Variants in EBF2 observed in about 807,000 individuals in gnomAD.
EBF2 encodes the protein EBF transcription factor 2, also known as transcription factor COE2.
In EBF2, 21 loss-of-function variants were observed where a neutral mutation model predicts 72.8. The observed-to-expected ratio is 0.29, with a 90% CI of 0.20 to 0.42. The LOEUF is 0.42. Ranked by LOEUF, EBF2 falls within the 10% of genes least tolerant of loss-of-function variation. The pLI, the probability that EBF2 is intolerant of heterozygous loss-of-function variation, is 1.00. For synonymous variants in EBF2, 299 were observed against 274.2 expected (o/e 1.09, Z -0.89); for missense variants, 637 against 731.2 (o/e 0.87, Z 1.49).
intron 6 of EBF2, among the ~76,000 whole-genome samples, chr8:25,961,346 C>G (rs1804030801): frequency 6.6e-6 from 1 of 152,154 alleles, no homozygotes; most frequent in Non-Finnish European, 1.5e-5. Context: ...ACCAATCTCA[C>G]TCACTTCAAA....
chr8:26,042,374 C>G, intron 1 of EBF2, 123 bp from the exon 2 acceptor site: 1 of 1,229,038 alleles, frequency 8.1e-7, no homozygotes, highest in Non-Finnish European at 1.1e-6. Context: ...AGTTCTGAAC[C>G]CTTCGGGCCT....
intron 7 of EBF2, among the ~76,000 whole-genome samples, chr8:25,897,935 G>A (rs929730826): frequency 1.3e-5 from 2 of 152,116 alleles, no homozygotes; most frequent in South Asian, 4.2e-4. Context: ...ATTTTAACTA[G>A]AGAAGATACT....
chr8:26,000,840 G>A (rs530511211), intron 6 of EBF2, among the ~76,000 whole-genome samples: 24 of 152,188 alleles, frequency 1.6e-4, no homozygotes, highest in Non-Finnish European at 2.9e-4. Context: ...CAACATAACC[G>A]TAAAAATGCC....
intron 6 of EBF2, among the ~76,000 whole-genome samples, chr8:25,942,770 C>G (rs1408319176): frequency 6.6e-6 from 1 of 152,204 alleles, no homozygotes; most frequent in African/African-American, 2.4e-5. Flanking sequence ...GAACAGCCTT[C>G]GTTCCTGCGG....
At chr8:25,967,341 T>TG (rs1233938147) in intron 6 of EBF2, among the ~76,000 whole-genome samples, 1 of 152,152 alleles carries the variant, frequency 6.6e-6, no homozygotes, top group Non-Finnish European at 1.5e-5. Flanking sequence ...CAACATACAA[T>TG]GGGGTTATAT....
intron 13 of EBF2, among the ~76,000 whole-genome samples, chr8:25,859,238 A>G (rs771228207): frequency 1.3e-5 from 2 of 152,218 alleles, no homozygotes; most frequent in Admixed American, 6.5e-5. Context: ...GGCCTAGAGA[A>G]TAAATAAACT....
intron 15 of EBF2, among the ~76,000 whole-genome samples, chr8:25,849,371 C>A (rs978682495): frequency 6.6e-6 from 1 of 152,288 alleles, no homozygotes; most frequent in East Asian, 1.9e-4. Context: ...TGACCTCTCA[C>A]ACGTGTCCCA....
chr8:25,886,641 C>T, intron 10 of EBF2, 114 bp downstream of exon 10: 1 of 1,266,926 alleles, frequency 7.9e-7, no homozygotes, highest in African/African-American at 1.5e-5. Flanking sequence ...CTCACTCTTT[C>T]CACACTAGTA....
chr8:25,958,035 G>T (rs1376341398), intron 6 of EBF2, among the ~76,000 whole-genome samples: 1 of 152,198 alleles, frequency 6.6e-6, no homozygotes, highest in Non-Finnish European at 1.5e-5. Flanking sequence ...TGTGCAAGGG[G>T]TCAGATCTCT....
intron 6 of EBF2, among the ~76,000 whole-genome samples, chr8:25,980,787 CAAAAAAAAAA>C (rs34271943): frequency 3.0e-5 from 2 of 67,150 alleles, no homozygotes; most frequent in African/African-American, 6.9e-5. Context: ...GAGGCCACCA[CAAAAAAAAAA>C]AAAAAAAAAA....
chr8:25,990,569 C>G (rs192950098), intron 6 of EBF2, among the ~76,000 whole-genome samples: 36 of 152,308 alleles, frequency 2.4e-4, no homozygotes, highest in Non-Finnish European at 4.7e-4. Context: ...TCCAAGTCCT[C>G]TGTCCTTTCA....
At chr8:26,012,011 C>G (rs552858356) in intron 6 of EBF2, among the ~76,000 whole-genome samples, 3 of 152,210 alleles carry the variant, frequency 2.0e-5, no homozygotes, top group Admixed American at 6.5e-5. Flanking sequence ...AAAACTGAAG[C>G]AGGGAGAGAA....
chr8:26,026,419 T>C (rs2117250141), intron 6 of EBF2, among the ~76,000 whole-genome samples: 1 of 152,282 alleles, frequency 6.6e-6, no homozygotes, highest in African/African-American at 2.4e-5. Flanking sequence ...CCAAAGCACT[T>C]CATTTGACAA....
At chr8:26,033,703 C>G (rs893896167) in intron 5 of EBF2, among the ~76,000 whole-genome samples, 3 of 151,966 alleles carry the variant, frequency 2.0e-5, no homozygotes, top group African/African-American at 7.3e-5. Flanking sequence ...ACATGTTTAC[C>G]TGTGTAACAA....
chr8:25,860,467 T>TA lies in EBF2; in HGVS notation c.1342+581dup, dbSNP rs1260736616. On this transcript the variant is annotated intron_variant, in intron 13 of 15. Coordinates refer to ENST00000520164, the MANE Select transcript of EBF2 (RefSeq NM_022659.4). ...TATTTTCTATAAGCCCAAACCCTTCTAAATTGATAATACCCAATCCTTTTT... is the reference window on the plus strand; with the variant it reads ...TATTTTCTATAAGCCCAAACCCTTCTAAAATTGATAATACCCAATCCTTTTT... 5.2e-4 allele frequency among the ~76,000 whole-genome samples: 79 copies of TA among 151,850 alleles called. 1 individual carries two copies. Among genetic ancestry groups the TA allele is most frequent in the African/African-American group, 1.7e-3 (72 of 41,410 alleles).
In EBF2 at chr8:25,985,246, G is replaced by A. The variant is rs142091943; in HGVS notation, c.551+47839C>T. 7.1e-4 allele frequency among the ~76,000 whole-genome samples: 108 copies of A among 152,258 alleles called. 1 individual carries two copies. Among genetic ancestry groups the A allele is most frequent in the African/African-American group, 2.5e-3 (104 of 41,558 alleles). On this transcript the variant is annotated intron_variant, in intron 6 of 15. Coordinates refer to ENST00000520164, the MANE Select transcript of EBF2 (RefSeq NM_022659.4). ...GTAAGAGTGCCCTTTAGAATTGGCT[G>A]GGAATTTAGCTGCTGCCTTCTCTGA... is the stretch of plus-strand genomic sequence containing the variant.
At chr8:25,981,271 C>G (rs774626119) in intron 6 of EBF2, among the ~76,000 whole-genome samples, 1 of 152,098 alleles carries the variant, frequency 6.6e-6, no homozygotes, top group African/African-American at 2.4e-5. Context: ...GTGGCCTAGA[C>G]CTTGGCCAGA....
At chr8:25,930,242 A>G (rs1022163648) in intron 6 of EBF2, among the ~76,000 whole-genome samples, 2 of 152,112 alleles carry the variant, frequency 1.3e-5, no homozygotes, top group Non-Finnish European at 2.9e-5. Flanking sequence ...AAATGAGGAC[A>G]CTTGAGGAAG....
chr8:25,964,320 C>T (rs998722671), intron 6 of EBF2, among the ~76,000 whole-genome samples: 6 of 152,138 alleles, frequency 3.9e-5, no homozygotes, highest in Non-Finnish European at 5.9e-5. Context: ...GCAAATTGCA[C>T]ACAACCAATC....
Sources: gnomAD v4.1 joint callset for allele counts (sites outside exome capture counted in the v4.1 genomes callset) on GRCh38, gnomAD v4.1.1 for gene constraint, MANE v1.5 for transcripts, NCBI Gene and HGNC (gene_info 2026-07-23, HGNC 2026-07-21) for gene names.